DTWD2: variants seen among roughly 807,000 people sequenced by gnomAD.
The protein encoded by DTWD2 is tRNA-uridine aminocarboxypropyltransferase 2.
A neutral mutation model predicts 31.8 loss-of-function variants in DTWD2; 39 were observed. The observed-to-expected ratio is 1.22, with a 90% CI of 0.95 to 1.60. The LOEUF (loss-of-function observed/expected upper bound fraction) is 1.60, where lower values mean the gene tolerates loss of function less well. Ranked by LOEUF, DTWD2 falls within the 40% of genes most tolerant of loss-of-function variation. The pLI is 0.00. For missense variants in DTWD2, 515 were observed against 381.5 expected (o/e 1.35, Z -2.92); for synonymous variants, 180 against 142.8 (o/e 1.26, Z -1.86).
chr5:118,925,621 G>A (rs986393099), intron 4 of DTWD2, among the ~76,000 whole-genome samples: 5 of 151,266 alleles, frequency 3.3e-5, no homozygotes, highest in Non-Finnish European at 5.9e-5. Context: ...CGAGGCGGGT[G>A]GATCACAAGG....
chr5:118,874,776 T>A lies in DTWD2; in HGVS notation c.598-26558A>T, dbSNP rs111916120. On this transcript the variant is annotated intron_variant, in intron 4 of 5. Coordinates refer to ENST00000510708, the MANE Select transcript of DTWD2 (RefSeq NM_173666.4). Reference sequence around the variant, plus strand: ...AGAAACGGGGAGAAAGGAACCAACTTGGAAAACATATTTCAGGATATCATC... The same window carrying A: ...AGAAACGGGGAGAAAGGAACCAACTAGGAAAACATATTTCAGGATATCATC... Among the ~76,000 whole-genome samples the A allele has an allele frequency of 5.0e-3, 767 of 152,218 alleles. 8 individuals are homozygous for A. Among genetic ancestry groups the A allele is most frequent in the African/African-American group, 0.018 (747 of 41,510 alleles).
intron 4 of DTWD2, among the ~76,000 whole-genome samples, chr5:118,885,614 A>T (rs1242015440): frequency 1.3e-5 from 2 of 151,528 alleles, no homozygotes; most frequent in Non-Finnish European, 2.9e-5. Context: ...AAAAATACAA[A>T]ATTAGCCAGG....
chr5:118,878,277 G>A (rs965935072), intron 4 of DTWD2, among the ~76,000 whole-genome samples: 2 of 152,176 alleles, frequency 1.3e-5, no homozygotes, highest in African/African-American at 2.4e-5. Context: ...CAGGGCTACA[G>A]TAACCAAAAC....
intron 3 of DTWD2, among the ~76,000 whole-genome samples, chr5:118,935,546 G>A (rs1458315175): frequency 6.6e-6 from 1 of 152,126 alleles, no homozygotes; most frequent in Non-Finnish European, 1.5e-5. Flanking sequence ...GCTTGCTTGT[G>A]GGGAGAAATC....
intron 4 of DTWD2, among the ~76,000 whole-genome samples, chr5:118,853,740 G>T (rs927737727): frequency 1.3e-5 from 2 of 152,160 alleles, no homozygotes; most frequent in Non-Finnish European, 2.9e-5. Flanking sequence ...ACACAGAGGG[G>T]AGGAGGGCAA....
intron 4 of DTWD2, among the ~76,000 whole-genome samples, chr5:118,868,554 A>C (rs1223204086): frequency 6.6e-6 from 1 of 152,136 alleles, no homozygotes; most frequent in Non-Finnish European, 1.5e-5. Context: ...AAATTCCTAC[A>C]ACTCAACAAC....
At chr5:118,962,922 C>T (rs1283011471) in intron 1 of DTWD2, among the ~76,000 whole-genome samples, 2 of 152,204 alleles carry the variant, frequency 1.3e-5, no homozygotes, top group African/African-American at 4.8e-5. Context: ...ACTGAGTCCA[C>T]ATAAGCAGTT....
At chr5:118,963,392 A>G (rs1020869322) in intron 1 of DTWD2, among the ~76,000 whole-genome samples, 2 of 152,218 alleles carry the variant, frequency 1.3e-5, no homozygotes, top group African/African-American at 4.8e-5. Context: ...CAAACATTAA[A>G]AAGCACCTGT....
chr5:118,931,031 T>C (rs1032157572), intron 3 of DTWD2, among the ~76,000 whole-genome samples: 1 of 152,018 alleles, frequency 6.6e-6, no homozygotes, highest in African/African-American at 2.4e-5. Context: ...TTAAATGGTA[T>C]GTGAATTACA....
chr5:118,961,005 T>A (rs1009051917), intron 1 of DTWD2, among the ~76,000 whole-genome samples: 1 of 152,002 alleles, frequency 6.6e-6, no homozygotes, highest in Non-Finnish European at 1.5e-5. Flanking sequence ...CAAAATAATA[T>A]GTACATAAAA....
chr5:118,893,134 G>C (rs1362869549), intron 4 of DTWD2, among the ~76,000 whole-genome samples: 2 of 152,030 alleles, frequency 1.3e-5, no homozygotes, highest in African/African-American at 2.4e-5. Flanking sequence ...CCAGCACTTT[G>C]GGAGGCCAAG....
chr5:118,843,982 C>T (rs1751787092), intron 5 of DTWD2, among the ~76,000 whole-genome samples: 1 of 152,212 alleles, frequency 6.6e-6, no homozygotes. Flanking sequence ...GTATAGGATA[C>T]ACCACCTTCC....
chr5:118,870,205 CCTA>C (rs1030486742), intron 4 of DTWD2, among the ~76,000 whole-genome samples: 1 of 152,150 alleles, frequency 6.6e-6, no homozygotes, highest in Non-Finnish European at 1.5e-5. Flanking sequence ...ATGCAAACAG[CCTA>C]ATACATTATG....
intron 4 of DTWD2, among the ~76,000 whole-genome samples, chr5:118,908,999 T>G (rs1385232128): frequency 6.6e-6 from 1 of 152,198 alleles, no homozygotes. Context: ...AGTCTCATTT[T>G]TCCTGAATGA....
At chr5:118,980,261 C>T (rs1358860706) in intron 1 of DTWD2, among the ~76,000 whole-genome samples, 1 of 152,230 alleles carries the variant, frequency 6.6e-6, no homozygotes, top group African/African-American at 2.4e-5. Context: ...GTTCAAGGTC[C>T]TTCAGCCAGG....
At chr5:118,862,067 T>G (rs59722126) in intron 4 of DTWD2, among the ~76,000 whole-genome samples, 3,941 of 152,336 alleles carry the variant, frequency 0.026, 167 homozygotes, top group African/African-American at 0.085. Context: ...GAGCTGTGCC[T>G]TCTGTCAGAT....
chr5:118,939,341 C>T (rs1025337707), intron 2 of DTWD2, 51 bp from the exon 3 acceptor site: 5 of 1,396,114 alleles, frequency 3.6e-6, no homozygotes, highest in Non-Finnish European at 4.8e-6. Flanking sequence ...GATATACACA[C>T]TTTTAAATAT....
intron 4 of DTWD2, among the ~76,000 whole-genome samples, chr5:118,888,486 C>G (rs1166482558): frequency 6.6e-6 from 1 of 152,160 alleles, no homozygotes; most frequent in Non-Finnish European, 1.5e-5. Flanking sequence ...ATATGCCACA[C>G]TGTTTATCCA....
At chr5:118,944,788 G>T in intron 1 of DTWD2, 139 bp from the exon 2 acceptor site, 1 of 714,596 alleles carries the variant, frequency 1.4e-6, no homozygotes, top group Non-Finnish European at 2.2e-6. Flanking sequence ...GAAATACCAA[G>T]AATGAATTTA....
Sources: allele counts gnomAD v4.1 joint callset (sites outside exome capture counted in the v4.1 genomes callset), GRCh38; gene constraint gnomAD v4.1.1; transcripts MANE v1.5; gene names NCBI Gene and HGNC (gene_info 2026-07-23, HGNC 2026-07-21).